WDR64: variants seen among roughly 807,000 people sequenced by gnomAD.
WDR64 encodes WD repeat-containing protein 64.
Under a neutral mutation model 139.3 loss-of-function variants are expected in WDR64, and 112 were observed. The ratio of observed to expected loss-of-function variants is 0.80; its 90% CI spans 0.69 to 0.94. The LOEUF is 0.94. Among genes scored for constraint, WDR64 ranks in the 40% least tolerant of loss-of-function variants. The pLI is 0.00. For synonymous variants in WDR64, 444 were observed against 437.7 expected (o/e 1.01, Z -0.18); for missense variants, 1,206 against 1,293.1 (o/e 0.93, Z 1.03).
At chr1:241,751,692 G>A (rs1363567742) in intron 14 of WDR64, among the ~76,000 whole-genome samples, 1 of 152,062 alleles carries the variant, frequency 6.6e-6, no homozygotes, top group Non-Finnish European at 1.5e-5. Context: ...TCAAGTCTCA[G>A]AAAAACCCTT....
intron 9 of WDR64, among the ~76,000 whole-genome samples, chr1:241,722,142 G>A (rs923028434): frequency 6.6e-6 from 1 of 152,004 alleles, no homozygotes; most frequent in Non-Finnish European, 1.5e-5. Context: ...ATTTACAGAC[G>A]AAGAAGATAC....
chr1:241,694,093 T>A (rs1667399998), intron 8 of WDR64, among the ~76,000 whole-genome samples: 1 of 151,130 alleles, frequency 6.6e-6, no homozygotes, highest in Admixed American at 6.6e-5. Context: ...TTGAGCTGTT[T>A]AAATGAAATT....
At chr1:241,666,375 A>C (rs1666027805) in intron 2 of WDR64, among the ~76,000 whole-genome samples, 1 of 152,316 alleles carries the variant, frequency 6.6e-6, no homozygotes. Flanking sequence ...TATCTGGTAT[A>C]ATACCCAAAT....
rs1245520399 is a variant in WDR64 at position 241,674,759 on chromosome 1, T to C, written c.483+12T>C. On this transcript the variant is annotated intron_variant, in intron 4 of 27. Transcript: ENST00000437684. ...TTTTTAATAACCAGGTAATTTCTTT[T>C]TCTTTTTTTAACTGAATGACTCATT... 6.7e-7 allele frequency: 1 copy of C among 1,495,338 alleles called. No individual in the cohort carries two copies. Among genetic ancestry groups the C allele is most frequent in the Non-Finnish European group, 9.1e-7 (1 of 1,100,140 alleles). 92.6% of individuals were successfully genotyped at this position (1,495,338 alleles called of 1,614,324 possible). A position where few individuals can be genotyped will look rare whatever the true frequency, so the allele number is the denominator to read the frequency against.
chr1:241,675,051 CT>C (rs1302062481), intron 4 of WDR64, among the ~76,000 whole-genome samples: 5 of 98,920 alleles, frequency 5.1e-5, no homozygotes, highest in Admixed American at 9.9e-5. Context: ...TCTTTCCTTC[CT>C]TTTCTCCCTT....
At chr1:241,721,076 G>T (rs1246720019) in intron 9 of WDR64, among the ~76,000 whole-genome samples, 1 of 152,026 alleles carries the variant, frequency 6.6e-6, no homozygotes, top group Non-Finnish European at 1.5e-5. Context: ...GCTTGTTTTG[G>T]TCAGGTTTGT....
At chr1:241,710,324 C>T (rs926691799) in intron 8 of WDR64, among the ~76,000 whole-genome samples, 4 of 152,098 alleles carry the variant, frequency 2.6e-5, no homozygotes, top group African/African-American at 9.7e-5. Flanking sequence ...TGTCCATTGT[C>T]TCGTCTACTA....
rs1402216161 is a variant in WDR64, at chr1:241,801,152, GA to G, written c.3221del (p.Asn1074IlefsTer2). 6 of 1,612,800 alleles carry G rather than the reference GA, an allele frequency of 3.7e-6. No individual in the cohort carries two copies. The highest frequency in any genetic ancestry group is 1.3e-5 in the African/African-American group (1 of 74,858). On this transcript the variant is annotated frameshift_variant, in exon 28 of 28. Transcript: ENST00000437684. LOFTEE classifies it high-confidence loss of function. ...CACAGGCACCACGAAGAAGAAGTTT[GA>G]AAAAAAATTTAGTCCCACAAATAAA... Reference protein sequence around the residue: ...REKAPRRRSLKKNLVPQINLA... With the variant: ...REKAPRRRSLXKNLVPQINLA...
rs555973165 is a variant in WDR64 at position 241,761,829 on chromosome 1, T to A, written c.1947+4370T>A. ...TCTTTGCTCATCCATGAGAAGCAAC[T>A]CCTCATCCATTCAAGTTTTATCGTG... On this transcript the variant is annotated intron_variant, in intron 15 of 27. Coordinates refer to ENST00000437684, the MANE Select transcript of WDR64 (RefSeq NM_001367482.1). Among the ~76,000 whole-genome samples, 131 of 152,340 alleles carry A rather than the reference T, an allele frequency of 8.6e-4. 1 individual carries two copies. Among genetic ancestry groups the A allele is most frequent in the African/African-American group, 3.1e-3 (128 of 41,582 alleles).
intron 9 of WDR64, among the ~76,000 whole-genome samples, chr1:241,718,101 C>T (rs1182801717): frequency 6.6e-6 from 1 of 152,132 alleles, no homozygotes; most frequent in Non-Finnish European, 1.5e-5. Flanking sequence ...GCTCAAAATA[C>T]GTGTCCTTAA....
intron 21 of WDR64, 54 bp downstream of exon 21, chr1:241,775,264 T>C (rs1658617677): frequency 7.0e-7 from 1 of 1,431,062 alleles, no homozygotes; most frequent in South Asian, 1.3e-5. Context: ...GCTTACCTGA[T>C]ATAAAAATGG....
intron 10 of WDR64, among the ~76,000 whole-genome samples, chr1:241,725,396 T>TC (rs1474060593): frequency 6.6e-6 from 1 of 151,786 alleles, no homozygotes; most frequent in Non-Finnish European, 1.5e-5. Flanking sequence ...CCGGTTGCTT[T>TC]CCCTCCACGT....
intron 14 of WDR64, among the ~76,000 whole-genome samples, chr1:241,750,974 CTTA>C (rs796564263): frequency 3.9e-5 from 6 of 152,002 alleles, no homozygotes; most frequent in South Asian, 2.1e-4. Flanking sequence ...TCCTTATTTA[CTTA>C]TTATTATTAG....
intron 1 of WDR64, among the ~76,000 whole-genome samples, chr1:241,657,452 C>T (rs1228616681): frequency 6.6e-6 from 1 of 152,204 alleles, no homozygotes; most frequent in Non-Finnish European, 1.5e-5. Flanking sequence ...CGCCCCTGGT[C>T]TCACCTCACA....
At chr1:241,717,726 C>G (rs1009541381) in intron 9 of WDR64, among the ~76,000 whole-genome samples, 1 of 152,080 alleles carries the variant, frequency 6.6e-6, no homozygotes, top group Non-Finnish European at 1.5e-5. Flanking sequence ...ATTTGACATA[C>G]TCTTTACAAA....
At position 241,757,421 on chromosome 1, in the gene WDR64, G is replaced by A. The variant is rs776250752; in HGVS notation, c.1909G>A (p.Glu637Lys). Residue 637 changes from glutamate (E) to lysine (K), a missense_variant, in exon 15 of 28, where the codon GAG becomes AAG. Glu to Lys is a moderately conservative substitution (Grantham distance 56). Coordinates refer to ENST00000437684, the MANE Select transcript of WDR64 (RefSeq NM_001367482.1). The stretch of plus-strand genomic sequence containing the variant: ...CATGGCTATTCCTTTCCCAGATGTC[G>A]AGTTGATAGTTGAGAGGAACTTTTC... Reference protein sequence around the residue: ...RNMAIPFPDVELIVERNFSQP... With the variant: ...RNMAIPFPDVKLIVERNFSQP... 1.5e-5 allele frequency: 24 copies of A among 1,613,392 alleles called. No individual in the cohort carries two copies. The highest frequency in any genetic ancestry group is 4.5e-5 in the East Asian group (2 of 44,842).
At chr1:241,773,331 C>T (rs1223990737) in intron 20 of WDR64, among the ~76,000 whole-genome samples, 1 of 152,190 alleles carries the variant, frequency 6.6e-6, no homozygotes, top group Non-Finnish European at 1.5e-5. Flanking sequence ...AGGTCTTCAC[C>T]TTTGGCACAC....
chr1:241,671,282 T>C, intron 3 of WDR64, 106 bp downstream of exon 3: 1 of 807,128 alleles, frequency 1.2e-6, no homozygotes, highest in South Asian at 1.9e-5. Flanking sequence ...TATGTATTTG[T>C]TCAATACTTT....
chr1:241,749,851 T>A lies in WDR64; in HGVS notation c.1770+129T>A. On this transcript the variant is annotated intron_variant, in intron 14 of 27. Transcript: ENST00000437684. ...CTGAAGATGGTATTTATCCTCAGCC[T>A]TCCCGTGATGCTCCTCATTAACTTT... The A allele has an allele frequency of 7.6e-6, 8 of 1,046,452 alleles. No homozygotes were observed. In the South Asian group the frequency reaches 1.4e-4, roughly 18 times the overall value. 64.8% of individuals were successfully genotyped at this position (1,046,452 alleles called of 1,614,324 possible).
Sources: allele counts gnomAD v4.1 joint callset (sites outside exome capture counted in the v4.1 genomes callset), GRCh38; gene constraint gnomAD v4.1.1; transcripts MANE v1.5; gene names NCBI Gene and HGNC (gene_info 2026-07-23, HGNC 2026-07-21).